The following PTPRN2 variants were observed in gnomAD, a reference collection of about 807,000 sequenced individuals.
The protein encoded by PTPRN2 is receptor-type tyrosine-protein phosphatase N2.
Under a neutral mutation model 118.8 loss-of-function variants are expected in PTPRN2, and 74 were observed. The ratio of observed to expected loss-of-function variants is 0.62; its 90% confidence interval spans 0.52 to 0.76. The LOEUF (loss-of-function observed/expected upper bound fraction) is 0.76, where lower values mean the gene tolerates loss of function less well. Ranked by LOEUF, PTPRN2 falls within the 30% of genes least tolerant of loss-of-function variation. PTPRN2 has a pLI of 0.00. For synonymous variants in PTPRN2, 641 were observed against 608.0 expected, an observed-to-expected ratio of 1.05 and a Z score of -0.80; for missense variants, 1,481 against 1,394.4, an observed-to-expected ratio of 1.06 and a Z score of -0.99.
intron 11 of PTPRN2, among the ~76,000 whole-genome samples, chr7:157,900,416 GGT>G (rs1235186537): frequency 6.6e-6 from 1 of 152,192 alleles, no homozygotes. Flanking sequence ...CTGTGCCCAG[GGT>G]GTCACGAGCA....
intron 12 of PTPRN2, among the ~76,000 whole-genome samples, chr7:157,776,580 C>T (rs1373478084): frequency 3.0e-4 from 7 of 23,230 alleles, no homozygotes; most frequent in African/African-American, 3.8e-4. Flanking sequence ...CTCCTCCTCC[C>T]TCTTCTTCTC....
chr7:158,350,769 G>C (rs1322608770), intron 2 of PTPRN2, among the ~76,000 whole-genome samples: 2 of 152,208 alleles, frequency 1.3e-5, no homozygotes, highest in Non-Finnish European at 2.9e-5. Context: ...ACCTCACCCA[G>C]CCTCACAGTT....
chr7:158,544,109 AG>A lies in PTPRN2; in HGVS notation c.112+43448del, dbSNP rs1586912446. Among the ~76,000 whole-genome samples the A allele has an allele frequency of 6.6e-6, 1 of 152,144 alleles. No individual in the cohort carries two copies. Among genetic ancestry groups the A allele is most frequent in the East Asian group, 1.9e-4 (1 of 5,186 alleles). On this transcript the variant is annotated intron_variant, in intron 1 of 22. Coordinates refer to ENST00000389418, the MANE Select transcript of PTPRN2 (RefSeq NM_002847.5). The surrounding 1 kb of genome is among the most constrained non-coding windows in gnomAD (Gnocchi z 4.2). ...CCACGCTCAGGAGTGCACCCGGTGG[AG>A]GGGGATATGTACACCCGCCTGGGAG...
At chr7:158,203,201 C>T (rs1015772191) in intron 4 of PTPRN2, among the ~76,000 whole-genome samples, 8 of 126,040 alleles carry the variant, frequency 6.3e-5, no homozygotes, top group Non-Finnish European at 9.4e-5. Context: ...CACTGCACTC[C>T]GGCCTAGGTG....
chr7:158,487,009 T>C (rs1004557150), intron 2 of PTPRN2, among the ~76,000 whole-genome samples: 2 of 152,242 alleles, frequency 1.3e-5, no homozygotes, highest in Non-Finnish European at 2.9e-5. Context: ...GTACGTCACA[T>C]GCGTGGAATC....
chr7:157,767,429 A>G (rs998965755), intron 12 of PTPRN2, among the ~76,000 whole-genome samples: 1 of 152,236 alleles, frequency 6.6e-6, no homozygotes. Context: ...TACCTTGATA[A>G]TGATGCCTGA....
At chr7:157,542,557 T>G (rs965050697) in intron 22 of PTPRN2, among the ~76,000 whole-genome samples, 1 of 152,074 alleles carries the variant, frequency 6.6e-6, no homozygotes. Flanking sequence ...AGGCAGCCAC[T>G]TGCGGCATCC....
In PTPRN2 at chr7:158,443,209, G is replaced by A. The variant is rs756828551; in HGVS notation, c.163+46526C>T. Among the ~76,000 whole-genome samples, 85 of 152,296 alleles carry A rather than the reference G, an allele frequency of 5.6e-4. No homozygotes were observed. In the Middle Eastern group the frequency reaches 0.01, roughly 18 times the overall value. The stretch of plus-strand genomic sequence containing the variant: ...GGGCAGAGGCAGGAGCGGAGGCTGC[G>A]GAGGACGCTCCAAGCCCATCTTCCG... On this transcript the variant is annotated intron_variant, in intron 2 of 22. Coordinates refer to ENST00000389418, the MANE Select transcript of PTPRN2 (RefSeq NM_002847.5).
chr7:158,528,902 CACA>C lies in PTPRN2; in HGVS notation c.113-39120_113-39118del, dbSNP rs560508771. On this transcript the variant is annotated intron_variant, in intron 1 of 22. Coordinates refer to ENST00000389418, the MANE Select transcript of PTPRN2 (RefSeq NM_002847.5). ...GATTAAAGTGCCCGGAATTGGAAGA[CACA>C]ACATTTCCTACACAGCCTGAGTCTA... Among the ~76,000 whole-genome samples, 5 of 152,094 alleles carry C rather than the reference CACA, an allele frequency of 3.3e-5. No homozygotes were observed. In the South Asian group the frequency reaches 8.3e-4, roughly 25 times the overall value.
At chr7:157,719,725 T>C (rs9654698) in intron 12 of PTPRN2, among the ~76,000 whole-genome samples, 10,648 of 152,138 alleles carry the variant, frequency 0.07, 692 homozygotes, top group African/African-American at 0.17. Context: ...CTGAAAGAGC[T>C]CCCCAGACCC....
chr7:158,324,300 GC>G (rs1489191794), intron 2 of PTPRN2, among the ~76,000 whole-genome samples: 3 of 152,186 alleles, frequency 2.0e-5, no homozygotes, highest in Non-Finnish European at 4.4e-5. Flanking sequence ...ACAGTGCCTT[GC>G]CCCCGGTGTG....
intron 2 of PTPRN2, among the ~76,000 whole-genome samples, chr7:158,457,485 A>T (rs1818608451): frequency 6.6e-6 from 1 of 151,388 alleles, no homozygotes; most frequent in South Asian, 2.1e-4. Flanking sequence ...GCACACGGTG[A>T]GGGGCGTTAC....
chr7:157,541,874 A>G (rs751474612), intron 22 of PTPRN2, among the ~76,000 whole-genome samples: 1 of 152,212 alleles, frequency 6.6e-6, no homozygotes, highest in Non-Finnish European at 1.5e-5. Flanking sequence ...GACAAAAGAC[A>G]GTTTCTCCTT....
intron 2 of PTPRN2, among the ~76,000 whole-genome samples, chr7:158,397,384 C>A (rs1202405483): frequency 1.3e-5 from 2 of 152,178 alleles, no homozygotes; most frequent in South Asian, 4.1e-4. Context: ...GGCAGGACCC[C>A]CGAGCAGTTG....
chr7:158,133,945 G>T lies in PTPRN2; in HGVS notation c.1288C>A (p.His430Asn). ...TCTGAAGACAGGGAAGACTCAGGGT[G>T]CTCGGACTTCTTCCTCTCCATGTCG... ...PLDMERKKSEHPESSLSSEEE... is the reference protein window; with the variant it reads ...PLDMERKKSENPESSLSSEEE... The change falls in exon 9 of 23, where the codon CAC (histidine) becomes AAC (asparagine). Residue 430 changes from histidine (H) to asparagine (N), a missense_variant. Physicochemically the swap from His to Asn is moderately conservative, Grantham distance 68. Coordinates refer to ENST00000389418, the MANE Select transcript of PTPRN2 (RefSeq NM_002847.5). 3 of 1,614,028 alleles carry T rather than the reference G, an allele frequency of 1.9e-6. No homozygotes were observed. Among genetic ancestry groups the T allele is most frequent in the Non-Finnish European group, 1.7e-6 (2 of 1,180,044 alleles).
In PTPRN2 at chr7:157,794,042, AGGGGCCCAGGACAAGCTC is replaced by A. The variant is rs1804696153; in HGVS notation, c.1788+104613_1788+104630del. Among the ~76,000 whole-genome samples, 1 of 152,004 alleles carries A rather than the reference AGGGGCCCAGGACAAGCTC, an allele frequency of 6.6e-6. No homozygotes were observed. The highest frequency in any genetic ancestry group is 2.4e-5 in the African/African-American group (1 of 41,378). ...CTTCGGGCCTCGGCAGCACACCTCG[AGGGGCCCAGGACAAGCTC>A]GGGGCCCAGGTGGCCGGGAGGGGGC... On this transcript the variant is annotated intron_variant, in intron 12 of 22. Transcript: ENST00000389418. The surrounding 1 kb of genome is among the most constrained non-coding windows in gnomAD (Gnocchi z 5.2).
intron 2 of PTPRN2, among the ~76,000 whole-genome samples, chr7:158,326,779 A>T (rs1563142254): frequency 3.6e-5 from 2 of 56,212 alleles, no homozygotes; most frequent in Admixed American, 2.1e-4. Flanking sequence ...ATGCTCACAC[A>T]CTCACATGCA....
At chr7:157,765,213 A>G (rs1216109815) in intron 12 of PTPRN2, among the ~76,000 whole-genome samples, 17 of 145,338 alleles carry the variant, frequency 1.2e-4, no homozygotes. Flanking sequence ...TCCATCCTTC[A>G]CCCATCCATC....
At chr7:157,848,487 A>T (rs927218397) in intron 12 of PTPRN2, among the ~76,000 whole-genome samples, 7 of 152,254 alleles carry the variant, frequency 4.6e-5, no homozygotes, top group African/African-American at 1.7e-4. Context: ...CAATGTTTAC[A>T]GAGCCCTCTC....
Sources: allele counts gnomAD v4.1 joint callset (sites outside exome capture counted in the v4.1 genomes callset), GRCh38; gene constraint gnomAD v4.1.1; non-coding constraint Gnocchi (gnomAD v3.1); transcripts MANE v1.5; gene names NCBI Gene and HGNC (gene_info 2026-07-23, HGNC 2026-07-21).